The following OTUD7A variants were observed in gnomAD, a reference collection of about 807,000 sequenced individuals.
The protein encoded by OTUD7A is OTU domain-containing protein 7A.
In OTUD7A, 12 loss-of-function variants were observed where a neutral mutation model predicts 65.7. That is an observed-to-expected ratio of 0.18 (90% CI 0.12 to 0.30). The LOEUF (loss-of-function observed/expected upper bound fraction) is 0.30, where lower values mean the gene tolerates loss of function less well. OTUD7A is among the 10% of genes least tolerant of loss of function. The probability of loss-of-function intolerance (pLI) is 1.00; values close to 1 mark genes in which losing one functional copy is unlikely to be tolerated. For missense variants in OTUD7A, 1,148 were observed against 1,304.8 expected, an observed-to-expected ratio of 0.88 and a Z score of 1.85; for synonymous variants, 641 against 586.3, an observed-to-expected ratio of 1.09 and a Z score of -1.35.
chr15:31,544,813 TA>T (rs1301461259), intron 5 of OTUD7A, among the ~76,000 whole-genome samples: 2 of 151,966 alleles, frequency 1.3e-5, no homozygotes, highest in Non-Finnish European at 3.0e-5. Flanking sequence ...TTAACATATA[TA>T]AAAAGTACTA....
chr15:31,824,835 A>C (rs746791442), intron 1 of OTUD7A, among the ~76,000 whole-genome samples: 4 of 152,122 alleles, frequency 2.6e-5, no homozygotes, highest in Non-Finnish European at 5.9e-5. Context: ...ACTTTTATTC[A>C]CTTCTATTTT....
intron 1 of OTUD7A, among the ~76,000 whole-genome samples, chr15:31,868,408 T>C (rs1439157297): frequency 1.3e-5 from 2 of 152,218 alleles, no homozygotes; most frequent in Non-Finnish European, 2.9e-5. Flanking sequence ...GGGGCCAGAT[T>C]GATTTCACAG....
chr15:31,500,560 G>A (rs1200669047), intron 10 of OTUD7A, among the ~76,000 whole-genome samples: 4 of 152,258 alleles, frequency 2.6e-5, no homozygotes, highest in African/African-American at 7.2e-5. Flanking sequence ...GAAGTGACAC[G>A]CTGGTGCCGC....
chr15:31,503,466 T>C (rs3812925), intron 9 of OTUD7A, among the ~76,000 whole-genome samples: 78,607 of 151,984 alleles, frequency 0.52, 20,862 homozygotes, highest in African/African-American at 0.63. Context: ...GGTCCTCACA[T>C]GACCAGATTT....
intron 1 of OTUD7A, among the ~76,000 whole-genome samples, chr15:31,669,698 C>G (rs1892429516): frequency 1.3e-5 from 2 of 152,172 alleles, no homozygotes; most frequent in Admixed American, 1.3e-4. Context: ...TTACAAAGTT[C>G]AGCTGGAGAC....
chr15:31,722,539 T>C (rs1893769287), intron 1 of OTUD7A, among the ~76,000 whole-genome samples: 1 of 152,196 alleles, frequency 6.6e-6, no homozygotes, highest in Non-Finnish European at 1.5e-5. Context: ...GAGTGACAGT[T>C]TGCATGGAAT....
At chr15:31,711,154 T>C (rs1333111033) in intron 1 of OTUD7A, among the ~76,000 whole-genome samples, 2 of 151,218 alleles carry the variant, frequency 1.3e-5, no homozygotes, top group Non-Finnish European at 2.9e-5. Context: ...AATATGTATG[T>C]TTTTCTGGTT....
At chr15:31,598,325 T>A (rs1035819082) in intron 3 of OTUD7A, among the ~76,000 whole-genome samples, 7 of 152,236 alleles carry the variant, frequency 4.6e-5, no homozygotes, top group Non-Finnish European at 8.8e-5. Context: ...TGGGACTGGT[T>A]GGACAGTGGG....
rs577493725 is a variant in OTUD7A at position 31,767,935 on chromosome 15, C to T, written c.-100+102572G>A. 155 of 1,546,318 alleles carry T rather than the reference C, an allele frequency of 1.0e-4. No homozygotes were observed. The African/African-American group carries it at 2.0e-3, about 20-fold the overall frequency. On this transcript the variant is annotated intron_variant, in intron 1 of 12. Transcript: ENST00000307050. ...TGTTATCATCAACATTTTCTGATCC[C>T]CACCTCCCTTTGATATCTTCAATTA... is the stretch of plus-strand genomic sequence containing the variant.
At chr15:31,856,329 G>C (rs1897571733) in intron 1 of OTUD7A, among the ~76,000 whole-genome samples, 1 of 152,212 alleles carries the variant, frequency 6.6e-6, no homozygotes, top group Non-Finnish European at 1.5e-5. Flanking sequence ...CATGGGGATT[G>C]AGGGAAGAAA....
At chr15:31,740,851 A>T (rs1409010756) in intron 1 of OTUD7A, among the ~76,000 whole-genome samples, 2 of 152,262 alleles carry the variant, frequency 1.3e-5, no homozygotes, top group Non-Finnish European at 2.9e-5. Context: ...TAAGAAATAC[A>T]TCATGTGAAT....
chr15:31,858,973 A>T (rs1221073364), intron 1 of OTUD7A, among the ~76,000 whole-genome samples: 2 of 152,264 alleles, frequency 1.3e-5, no homozygotes, highest in African/African-American at 2.4e-5. Context: ...CCTCAACTGT[A>T]GAATGGGAAC....
intron 1 of OTUD7A, among the ~76,000 whole-genome samples, chr15:31,709,149 T>C (rs985337753): frequency 6.6e-6 from 1 of 151,518 alleles, no homozygotes; most frequent in African/African-American, 2.5e-5. Context: ...TGCAGAGGGC[T>C]GAACAGGCCA....
At chr15:31,509,358 A>C (rs1224972602) in intron 8 of OTUD7A, among the ~76,000 whole-genome samples, 1 of 151,956 alleles carries the variant, frequency 6.6e-6, no homozygotes, top group Non-Finnish European at 1.5e-5. Context: ...AGCTCACCGC[A>C]AATTCCACCT....
At chr15:31,675,533 C>T (rs1354822340) in intron 1 of OTUD7A, among the ~76,000 whole-genome samples, 5 of 152,146 alleles carry the variant, frequency 3.3e-5, no homozygotes, top group Admixed American at 2.0e-4. Context: ...ATAGAAGGAA[C>T]CTTTTTTTCT....
At chr15:31,865,753 C>A (rs1897861105) in intron 1 of OTUD7A, among the ~76,000 whole-genome samples, 1 of 152,190 alleles carries the variant, frequency 6.6e-6, no homozygotes. Flanking sequence ...GAAACTTAAT[C>A]TAATCTCACA....
At chr15:31,612,662 A>G (rs1052166791) in intron 3 of OTUD7A, among the ~76,000 whole-genome samples, 1 of 152,210 alleles carries the variant, frequency 6.6e-6, no homozygotes, top group Admixed American at 6.5e-5. Flanking sequence ...AACAAATGGA[A>G]ACACGTCCCA....
At chr15:31,614,631 TA>T (rs1006455395) in intron 3 of OTUD7A, among the ~76,000 whole-genome samples, 4 of 151,306 alleles carry the variant, frequency 2.6e-5, no homozygotes, top group East Asian at 1.9e-4. Context: ...AGATGCAAAA[TA>T]AAAAAAAATT....
intron 3 of OTUD7A, among the ~76,000 whole-genome samples, chr15:31,610,617 A>ATATATATATATATATATATTTTTTT: frequency 3.3e-5 from 1 of 30,562 alleles, no homozygotes; most frequent in African/African-American, 1.7e-4. Flanking sequence ...ATATATATAT[A>ATATATATATATATATATATTTTTTT]TTTTTTTTTT....
Sources: gnomAD v4.1 joint callset for allele counts (sites outside exome capture counted in the v4.1 genomes callset) on GRCh38, gnomAD v4.1.1 for gene constraint, MANE v1.5 for transcripts, NCBI Gene and HGNC (gene_info 2026-07-23, HGNC 2026-07-21) for gene names.